The following CYTH1 variants were observed in gnomAD, a reference collection of about 807,000 sequenced individuals.
CYTH1 encodes cytohesin 1.
A neutral mutation model predicts 61.8 loss-of-function variants in CYTH1; 18 were observed. That is an observed-to-expected ratio of 0.29 (90% CI 0.20 to 0.43). The LOEUF is 0.43. CYTH1 is among the 20% of genes least tolerant of loss of function. CYTH1 has a pLI of 1.00. For synonymous variants in CYTH1, 174 were observed against 184.3 expected, an observed-to-expected ratio of 0.94 and a Z score of 0.45; for missense variants, 336 against 510.5, an observed-to-expected ratio of 0.66 and a Z score of 3.29.
intron 1 of CYTH1, among the ~76,000 whole-genome samples, chr17:78,780,181 T>C (rs945165642): frequency 6.6e-5 from 10 of 152,200 alleles, no homozygotes; most frequent in African/African-American, 2.2e-4. Flanking sequence ...CTGGAGGGGC[T>C]GAACAATCTT....
At chr17:78,723,400 T>C (rs569913241) in intron 1 of CYTH1, 1 of 152,426 alleles carries the variant, frequency 6.6e-6, no homozygotes, top group Non-Finnish European at 1.5e-5. Context: ...AAGGACAGCA[T>C]GTGTGCGCCA....
chr17:78,746,488 C>T (rs754271511), intron 1 of CYTH1, among the ~76,000 whole-genome samples: 4 of 152,046 alleles, frequency 2.6e-5, no homozygotes, highest in African/African-American at 4.8e-5. Flanking sequence ...GACAGTGCGG[C>T]GACCGAGTTT....
In CYTH1 at chr17:78,734,094, ACAAAAATTAGCCGGGTGTGGTGG is replaced by A. The variant is rs1187224149; in HGVS notation, c.23-24385_23-24363del. On this transcript the variant is annotated intron_variant, in intron 1 of 13. Coordinates refer to ENST00000446868, the MANE Select transcript of CYTH1 (RefSeq NM_004762.6). ...GTGAAACCTCGTCTCTGCAAAAAAT[ACAAAAATTAGCCGGGTGTGGTGG>A]CATGCACCTGCAGTCCCAGCTACTC... Among the ~76,000 whole-genome samples the A allele has an allele frequency of 2.0e-5, 3 of 152,126 alleles. No individual in the cohort carries two copies. In the East Asian group the frequency reaches 5.8e-4, roughly 30 times the overall value.
At chr17:78,714,156 G>A (rs1434307589) in intron 1 of CYTH1, among the ~76,000 whole-genome samples, 1 of 117,466 alleles carries the variant, frequency 8.5e-6, no homozygotes, top group African/African-American at 2.7e-5. Flanking sequence ...TGGGCGTAGC[G>A]GTGCACACCT....
intron 13 of CYTH1, among the ~76,000 whole-genome samples, chr17:78,678,969 T>C (rs990177329): frequency 1.3e-5 from 2 of 152,254 alleles, no homozygotes; most frequent in African/African-American, 4.8e-5. Flanking sequence ...TTTCATTGCA[T>C]GAATTTTCAG....
At chr17:78,692,560 C>A (rs2092899248) in intron 10 of CYTH1, 67 bp from the exon 11 acceptor site, 3 of 1,456,186 alleles carry the variant, frequency 2.1e-6, no homozygotes, top group Non-Finnish European at 2.9e-6. Context: ...CCACGACACA[C>A]ACGACACCCT....
intron 1 of CYTH1, among the ~76,000 whole-genome samples, chr17:78,754,458 C>T (rs2144684798): frequency 6.6e-6 from 1 of 152,152 alleles, no homozygotes; most frequent in East Asian, 1.9e-4. Context: ...ATCCTCCCAC[C>T]TTAGCCTCCC....
intron 12 of CYTH1, 59 bp from the exon 13 acceptor site, chr17:78,680,403 A>G (rs972088215): frequency 1.3e-6 from 2 of 1,528,848 alleles, no homozygotes; most frequent in African/African-American, 1.4e-5. Flanking sequence ...ACTGAGAAAC[A>G]TGCTGATTTC....
At chr17:78,678,401 T>C (rs1242740091) in intron 13 of CYTH1, 1 of 152,088 alleles carries the variant, frequency 6.6e-6, no homozygotes, top group African/African-American at 2.4e-5. Flanking sequence ...GCATGAAGCG[T>C]GGTGGGGGAG....
At chr17:78,726,059 T>C (rs965699718) in intron 1 of CYTH1, among the ~76,000 whole-genome samples, 2 of 150,916 alleles carry the variant, frequency 1.3e-5, no homozygotes, top group Admixed American at 1.3e-4. Context: ...TTTTTTTTTT[T>C]TTGAGACGGT....
At chr17:78,691,373 C>T (rs1413157524) in intron 11 of CYTH1, 1 of 152,274 alleles carries the variant, frequency 6.6e-6, no homozygotes, top group Non-Finnish European at 1.5e-5. Context: ...AGAAACCCAT[C>T]TTCACACCTC....
intron 1 of CYTH1, among the ~76,000 whole-genome samples, chr17:78,741,452 C>T (rs2144638583): frequency 6.6e-6 from 1 of 152,128 alleles, no homozygotes; most frequent in South Asian, 2.1e-4. Flanking sequence ...TTTTTGAAAG[C>T]ATAATACCCA....
chr17:78,702,084 A>G, intron 5 of CYTH1, 38 bp downstream of exon 5: 1 of 1,485,700 alleles, frequency 6.7e-7, no homozygotes, highest in Non-Finnish European at 9.3e-7. Flanking sequence ...GTTCCTGAAC[A>G]GCCTTCCCTA....
chr17:78,777,766 C>T (rs536827159), intron 1 of CYTH1, among the ~76,000 whole-genome samples: 31 of 150,278 alleles, frequency 2.1e-4, no homozygotes, highest in African/African-American at 6.9e-4. Context: ...GCGGGCAGAT[C>T]ACGAGGTCAG....
chr17:78,695,912 T>C, intron 10 of CYTH1, 95 bp downstream of exon 10: 1 of 1,356,832 alleles, frequency 7.4e-7, no homozygotes, highest in South Asian at 1.2e-5. Flanking sequence ...CACCGGCAAT[T>C]AAAAAACAAA....
chr17:78,779,209 T>C (rs552763573), intron 1 of CYTH1, among the ~76,000 whole-genome samples: 1 of 152,196 alleles, frequency 6.6e-6, no homozygotes, highest in African/African-American at 2.4e-5. Context: ...GAGACCAGCC[T>C]GGACAACACA....
chr17:78,737,362 T>C (rs534222813), intron 1 of CYTH1, among the ~76,000 whole-genome samples: 1 of 152,338 alleles, frequency 6.6e-6, no homozygotes, highest in South Asian at 2.1e-4. Context: ...AGTCTGTATG[T>C]ATTCAGTACA....
intron 1 of CYTH1, among the ~76,000 whole-genome samples, chr17:78,731,964 T>C (rs979451114): frequency 2.6e-5 from 4 of 152,160 alleles, no homozygotes; most frequent in Non-Finnish European, 5.9e-5. Flanking sequence ...AGCAGTAAAC[T>C]GCATGCAGGT....
chr17:78,778,059 T>C (rs369331148), intron 1 of CYTH1, among the ~76,000 whole-genome samples: 1 of 151,864 alleles, frequency 6.6e-6, no homozygotes, highest in East Asian at 1.9e-4. Context: ...TCCTAGCACT[T>C]TGAGAGGCTG....
Sources: allele counts gnomAD v4.1 joint callset (sites outside exome capture counted in the v4.1 genomes callset), GRCh38; gene constraint gnomAD v4.1.1; transcripts MANE v1.5; gene names NCBI Gene and HGNC (gene_info 2026-07-23, HGNC 2026-07-21).